The following RHOU variants were observed in gnomAD, a reference collection of about 807,000 sequenced individuals.
The protein encoded by RHOU is ras homolog family member U.
A neutral mutation model predicts 12.6 loss-of-function variants in RHOU; 8 were observed. The observed-to-expected ratio is 0.64, with a 90% CI of 0.37 to 1.15. RHOU has a LOEUF of 1.15. Among genes scored for constraint, RHOU ranks in the 50% most tolerant of loss-of-function variants. The pLI is 0.01. For missense variants in RHOU, 258 were observed against 347.0 expected (o/e 0.74, Z 2.04); for synonymous variants, 161 against 147.4 (o/e 1.09, Z -0.67).
chr1:228,659,327 G>A, the RHOU span, among the ~76,000 whole-genome samples: 1 of 151,066 alleles, frequency 6.6e-6, no homozygotes, highest in Non-Finnish European at 1.5e-5. Context: ...GCAGTGAGCC[G>A]AGATCACACC....
chr1:228,647,836 G>C, the RHOU span: 8 of 152,318 alleles, frequency 5.3e-5, no homozygotes, highest in Non-Finnish European at 8.8e-5. Flanking sequence ...CGTGTGAAAA[G>C]AGGGAGCAGA....
chr1:228,723,469 A>G, the RHOU span, among the ~76,000 whole-genome samples: 1 of 152,118 alleles, frequency 6.6e-6, no homozygotes, highest in African/African-American at 2.4e-5. Flanking sequence ...ATGCAAATGC[A>G]GGGCACCATG....
chr1:228,743,777 A>G lies in RHOU; in HGVS notation c.*37A>G. 1 of 1,559,814 alleles carries G rather than the reference A, an allele frequency of 6.4e-7. No individual in the cohort carries two copies. On this transcript the variant is annotated 3_prime_UTR_variant, in exon 3 of 3. Transcript: ENST00000366691. This position sits in a 1 kb window ranked among gnomAD's most constrained non-coding sequence, Gnocchi z 5.1. ...CACCCAGAAAGGCTATTTTCAGATG[A>G]AATCGATATTAGAAGCTATATTAGC... is the stretch of plus-strand genomic sequence containing the variant.
chr1:228,735,353 G>T (rs184377343), upstream of RHOU: 181 of 153,358 alleles, frequency 1.2e-3, 3 homozygotes, highest in Middle Eastern at 0.03. The surrounding 1 kb of genome is among the most constrained non-coding windows in gnomAD (Gnocchi z 8.1). Context: ...GCGCGCAGGC[G>T]GGGGGCGCTG....
the RHOU span, among the ~76,000 whole-genome samples, chr1:228,724,733 T>C: frequency 2.6e-3 from 396 of 152,356 alleles, 1 homozygote; most frequent in African/African-American, 9.1e-3. Flanking sequence ...TCCTGCCTAA[T>C]TGAAATTTTG....
rs1662776528 is a variant in RHOU at position 228,744,004 on chromosome 1, T to C, written c.*264T>C. 2 of 375,310 alleles carry C rather than the reference T, an allele frequency of 5.3e-6. No homozygotes were observed. The allele number at this position is 375,310 out of a possible 1,614,324, so 23.2% of individuals were successfully genotyped here. A position where few individuals can be genotyped will look rare whatever the true frequency, so the allele number is the denominator to read the frequency against. The stretch of plus-strand genomic sequence containing the variant: ...CTGGAAATTTAGAGTTCTAGACCTC[T>C]GGTTAATTTATATCTAATATGAAGA... On this transcript the variant is annotated 3_prime_UTR_variant, in exon 3 of 3. Coordinates refer to ENST00000366691, the MANE Select transcript of RHOU (RefSeq NM_021205.6).
chr1:228,652,448 C>T, the RHOU span: 1 of 152,628 alleles, frequency 6.6e-6, no homozygotes, highest in Middle Eastern at 3.4e-3. Flanking sequence ...CCTTTTGGTG[C>T]TTACCACAGA....
At chr1:228,697,945 G>A in the RHOU span, among the ~76,000 whole-genome samples, 49 of 152,324 alleles carry the variant, frequency 3.2e-4, no homozygotes, top group South Asian at 2.1e-4. Context: ...AATCATTTAA[G>A]TTTTGTTCCA....
chr1:228,675,937 GA>G, the RHOU span, among the ~76,000 whole-genome samples: 8 of 144,210 alleles, frequency 5.5e-5, no homozygotes, highest in Admixed American at 2.8e-4. Flanking sequence ...CAAGTTTTCA[GA>G]AAAAAAAAAG....
At chr1:228,660,357 A>T in the RHOU span, among the ~76,000 whole-genome samples, 61 of 151,688 alleles carry the variant, frequency 4.0e-4, no homozygotes, top group Admixed American at 3.1e-3. Context: ...AAAAAAATAA[A>T]AAAAAAAAAA....
Position 228,743,368 on chromosome 1 carries a change from C to T in RHOU, c.405C>T (p.Ser135=). ...GCTTCAGTGTCGTGAGCCCCTCATC[C>T]TTCCAGAACGTCAGTGAGAAATGGG... ...LLCFSVVSPS[S]FQNVSEKWVP... Residue 135 remains serine, a synonymous_variant, in exon 3 of 3, where the codon TCC becomes TCT. Transcript: ENST00000366691. This position sits in a 1 kb window ranked among gnomAD's most constrained non-coding sequence, Gnocchi z 5.1. 6.2e-7 allele frequency: 1 copy of T among 1,614,210 alleles called. No individual in the cohort carries two copies. The highest frequency in any genetic ancestry group is 8.5e-7 in the Non-Finnish European group (1 of 1,180,034).
the RHOU span, among the ~76,000 whole-genome samples, chr1:228,658,752 A>G: frequency 6.6e-6 from 1 of 152,186 alleles, no homozygotes; most frequent in African/African-American, 2.4e-5. Context: ...GCCAAAATCC[A>G]CACAGAGTCA....
chr1:228,707,136 A>G, the RHOU span, among the ~76,000 whole-genome samples: 6 of 130,766 alleles, frequency 4.6e-5, no homozygotes, highest in East Asian at 6.7e-4. Context: ...ACATATATAT[A>G]TATATATATG....
chr1:228,684,758 G>A, the RHOU span, among the ~76,000 whole-genome samples: 1 of 152,196 alleles, frequency 6.6e-6, no homozygotes, highest in African/African-American at 2.4e-5. Context: ...GGGTGAGGGA[G>A]AAGGAACCAC....
chr1:228,714,392 A>G, the RHOU span, among the ~76,000 whole-genome samples: 1 of 152,186 alleles, frequency 6.6e-6, no homozygotes, highest in Non-Finnish European at 1.5e-5. Flanking sequence ...CAATGTAGAG[A>G]TTACCTTATC....
chr1:228,722,253 A>T, the RHOU span, among the ~76,000 whole-genome samples: 2 of 152,108 alleles, frequency 1.3e-5, no homozygotes, highest in Non-Finnish European at 2.9e-5. Context: ...CCAGTGTCTG[A>T]TATTTGGCTT....
chr1:228,681,096 A>C, the RHOU span, among the ~76,000 whole-genome samples: 1 of 152,172 alleles, frequency 6.6e-6, no homozygotes, highest in East Asian at 1.9e-4. Context: ...TAGATATTGG[A>C]ATTCCTGTAT....
At chr1:228,742,492 T>C (rs907464882) in intron 2 of RHOU, among the ~76,000 whole-genome samples, 8 of 152,112 alleles carry the variant, frequency 5.3e-5, no homozygotes, top group African/African-American at 1.9e-4. Flanking sequence ...TTCTTATCTG[T>C]CCAAAGCACT....
At position 228,736,020 on chromosome 1, in the gene RHOU, G is replaced by T; in HGVS notation, c.262+16G>T. 1 of 1,568,616 alleles carries T rather than the reference G, an allele frequency of 6.4e-7. No homozygotes were observed. The highest frequency in any genetic ancestry group is 2.5e-5 in the East Asian group (1 of 40,666). On this transcript the variant is annotated intron_variant, in intron 1 of 2. Transcript: ENST00000366691. ...AACTTCTCCGGTGAGCTGGCCGGGG[G>T]GCCGGGGCCGGGGGCGCGTGGCCGC... is the stretch of plus-strand genomic sequence containing the variant.
Sources: gnomAD v4.1 joint callset for allele counts (sites outside exome capture counted in the v4.1 genomes callset) on GRCh38, gnomAD v4.1.1 for gene constraint, Gnocchi (gnomAD v3.1) non-coding constraint, MANE v1.5 for transcripts, NCBI Gene and HGNC (gene_info 2026-07-23, HGNC 2026-07-21) for gene names.